KIDINS220: variants seen among roughly 807,000 people sequenced by gnomAD.
The protein encoded by KIDINS220 is kinase D-interacting substrate of 220 kDa.
Under a neutral mutation model 157.6 loss-of-function variants are expected in KIDINS220, and 63 were observed. The observed-to-expected ratio is 0.40, with a 90% CI of 0.33 to 0.49. The LOEUF is 0.49. KIDINS220 is among the 20% of genes least tolerant of loss of function. The pLI, the probability that KIDINS220 is intolerant of heterozygous loss-of-function variation, is 0.66. For missense variants in KIDINS220, 1,772 were observed against 2,171.2 expected (o/e 0.82, Z 3.65); for synonymous variants, 732 against 783.6 (o/e 0.93, Z 1.10).
At chr2:8,757,925 C>T (rs1197868850) in intron 22 of KIDINS220, 5 of 721,248 alleles carry the variant, frequency 6.9e-6, no homozygotes, top group African/African-American at 3.5e-5. Flanking sequence ...TGCAGTGGTG[C>T]AATCTCGGCT....
rs760553875 is a variant in KIDINS220, at chr2:8,750,226, G to A, written c.3300C>T (p.Ser1100=). The A allele has an allele frequency of 3.2e-5, 51 of 1,614,044 alleles. No individual in the cohort carries two copies. The East Asian group carries it at 4.5e-4, about 14-fold the overall frequency. Reference sequence around the variant, plus strand: ...CATTGAAGGACGTGGAAGAGCACACGGATGGGGGCTGGCTGTACCCTGATG... The same window carrying A: ...CATTGAAGGACGTGGAAGAGCACACAGATGGGGGCTGGCTGTACCCTGATG... The part of the protein sequence containing the change: ...RAPSGYSQPP[S]VCSSTSFNGP... Residue 1100 remains serine (S), a synonymous_variant, in exon 24 of 30, where the codon TCC becomes TCT. Coordinates refer to ENST00000256707, the MANE Select transcript of KIDINS220 (RefSeq NM_020738.4).
chr2:8,766,307 T>C (rs969988180), intron 22 of KIDINS220, among the ~76,000 whole-genome samples: 2 of 152,194 alleles, frequency 1.3e-5, no homozygotes, highest in African/African-American at 2.4e-5. Flanking sequence ...CTGGAAATGC[T>C]TTCTCAGATA....
At chr2:8,728,321 T>C (rs1374052995), downstream of KIDINS220, among the ~76,000 whole-genome samples, 1 of 151,124 alleles carries the variant, frequency 6.6e-6, no homozygotes, top group Non-Finnish European at 1.5e-5. Context: ...AGAGACTGCC[T>C]CAAACAAACA....
In KIDINS220 at chr2:8,791,073, G is replaced by C. The variant is rs771642916; in HGVS notation, c.1428C>G (p.Leu476=). 7 of 1,612,542 alleles carry C rather than the reference G, an allele frequency of 4.3e-6. No homozygotes were observed. Among genetic ancestry groups the C allele is most frequent in the Non-Finnish European group, 5.9e-6 (7 of 1,179,364 alleles). ...CAAGCCCTTTACCTTCTAGTTTCTT[G>C]AGTAAGAAAGATTTCCCACTTCCCC... ...AQWGSGKSFL[L]KKLEDEMKTF... Residue 476 remains leucine (L), a synonymous_variant, in exon 13 of 30, where the codon CTC becomes CTG. Coordinates refer to ENST00000256707, the MANE Select transcript of KIDINS220 (RefSeq NM_020738.4).
intron 4 of KIDINS220, 57 bp downstream of exon 4, chr2:8,817,561 T>C (rs1677248780): frequency 1.0e-6 from 1 of 976,888 alleles, no homozygotes; most frequent in Admixed American, 2.3e-5. Flanking sequence ...ATTTCACACA[T>C]ATCTATGATT....
intron 11 of KIDINS220, among the ~76,000 whole-genome samples, chr2:8,796,101 A>G (rs1558440522): frequency 6.6e-6 from 1 of 152,028 alleles, no homozygotes. Flanking sequence ...AACTAATAGA[A>G]AAACAAACTT....
At chr2:8,746,576 G>A (rs529632206) in intron 26 of KIDINS220, 15 of 150,540 alleles carry the variant, frequency 1.0e-4, no homozygotes, top group Admixed American at 9.3e-4. Context: ...CTGTTTATCT[G>A]GAAAATTTAT....
At chr2:8,768,576 C>T (rs1669771100) in intron 22 of KIDINS220, among the ~76,000 whole-genome samples, 1 of 152,030 alleles carries the variant, frequency 6.6e-6, no homozygotes, top group African/African-American at 2.4e-5. Context: ...GCTTTTTATG[C>T]ATTAAAAAAA....
chr2:8,788,017 C>G (rs1486071834), intron 15 of KIDINS220, among the ~76,000 whole-genome samples: 1 of 152,150 alleles, frequency 6.6e-6, no homozygotes, highest in African/African-American at 2.4e-5. Flanking sequence ...ATCCAGTGCT[C>G]TCTTCAAAGT....
chr2:8,825,487 TTA>T (rs1299641763), intron 2 of KIDINS220, among the ~76,000 whole-genome samples: 1 of 151,950 alleles, frequency 6.6e-6, no homozygotes. Context: ...AAATTTTATG[TTA>T]TGTGTTTATC....
rs1473970691 is a variant in KIDINS220 at position 8,788,663 on chromosome 2, T to C, written c.1771A>G (p.Lys591Glu). Residue 591 changes from lysine to glutamate, a missense_variant, in exon 15 of 30, where the codon AAA becomes GAA. By Grantham distance (56) the Lys-to-Glu change is moderately conservative (BLOSUM62 1). Coordinates refer to ENST00000256707, the MANE Select transcript of KIDINS220 (RefSeq NM_020738.4). ...NPPELPEQTTKALPVRFLFTD... is the reference protein window; with the variant it reads ...NPPELPEQTTEALPVRFLFTD... Reference sequence around the variant, plus strand: ...ACAACTCACCTCACAGGTAAAGCTTTAGTAGTCTGCTCTGGCAACTCAGGT... The same window carrying C: ...ACAACTCACCTCACAGGTAAAGCTTCAGTAGTCTGCTCTGGCAACTCAGGT... 1 of 1,613,946 alleles carries C rather than the reference T, an allele frequency of 6.2e-7. No individual in the cohort carries two copies. Among genetic ancestry groups the C allele is most frequent in the East Asian group, 2.2e-5 (1 of 44,898 alleles).
At chr2:8,721,705 C>T (rs1029898700), downstream of KIDINS220, 4 of 152,178 alleles carry the variant, frequency 2.6e-5, no homozygotes, top group African/African-American at 4.8e-5. Context: ...GTAAGTATCA[C>T]GTCAAGAGTG....
chr2:8,727,315 T>A, downstream of KIDINS220: 1 of 1,000,040 alleles, frequency 1.0e-6, no homozygotes, highest in South Asian at 4.0e-5. Context: ...CAGTCTGGAG[T>A]GCTGGCCAAA....
intron 8 of KIDINS220, among the ~76,000 whole-genome samples, chr2:8,801,397 G>A (rs1674668443): frequency 6.6e-6 from 1 of 152,066 alleles, no homozygotes; most frequent in African/African-American, 2.4e-5. Flanking sequence ...ATAAACCAAA[G>A]GCAGACAAAT....
chr2:8,834,147 C>A (rs1680046103), intron 1 of KIDINS220, among the ~76,000 whole-genome samples: 2 of 152,132 alleles, frequency 1.3e-5, no homozygotes, highest in Non-Finnish European at 2.9e-5. Flanking sequence ...TGCTGACATT[C>A]CTGGGCCTGG....
chr2:8,734,813 C>A, intron 27 of KIDINS220, 60 bp from the exon 28 acceptor site: 1 of 1,197,082 alleles, frequency 8.4e-7, no homozygotes, highest in Non-Finnish European at 1.2e-6. Context: ...TTCTGAATTA[C>A]TAGTGATTGC....
intron 22 of KIDINS220, among the ~76,000 whole-genome samples, chr2:8,760,889 C>G (rs1325413793): frequency 1.3e-5 from 2 of 152,168 alleles, no homozygotes; most frequent in Non-Finnish European, 2.9e-5. Flanking sequence ...TACCCAGTTA[C>G]AACCATGCAA....
chr2:8,771,581 A>C (rs1670240184), intron 21 of KIDINS220, among the ~76,000 whole-genome samples: 1 of 152,158 alleles, frequency 6.6e-6, no homozygotes, highest in African/African-American at 2.4e-5. Flanking sequence ...AAACATTGTC[A>C]ATTTTACTTC....
intron 26 of KIDINS220, chr2:8,740,309 C>A: frequency 3.6e-6 from 1 of 278,002 alleles, no homozygotes; most frequent in Non-Finnish European, 5.5e-6. Context: ...TCACTCTGAA[C>A]GGACCACGGA....
Sources: gnomAD v4.1 joint callset for allele counts (sites outside exome capture counted in the v4.1 genomes callset) on GRCh38, gnomAD v4.1.1 for gene constraint, MANE v1.5 for transcripts, NCBI Gene and HGNC (gene_info 2026-07-23, HGNC 2026-07-21) for gene names.